The following DLG2 variants were observed in gnomAD, a reference collection of about 807,000 sequenced individuals.
The protein encoded by DLG2 is disks large homolog 2.
A neutral mutation model predicts 132.5 loss-of-function variants in DLG2; 45 were observed. The observed-to-expected ratio is 0.34, with a 90% CI of 0.27 to 0.44. The LOEUF (loss-of-function observed/expected upper bound fraction) is 0.44, where lower values mean the gene tolerates loss of function less well. DLG2 is among the 20% of genes least tolerant of loss of function. DLG2 has a pLI of 1.00. For synonymous variants in DLG2, 424 were observed against 419.6 expected (o/e 1.01, Z -0.13); for missense variants, 1,045 against 1,196.9 (o/e 0.87, Z 1.87).
chr11:84,209,756 G>T (rs74801362), intron 8 of DLG2, among the ~76,000 whole-genome samples: 1 of 152,076 alleles, frequency 6.6e-6, no homozygotes, highest in African/African-American at 2.4e-5. Context: ...TGCCAAAAGC[G>T]CAATGAGATG....
intron 19 of DLG2, among the ~76,000 whole-genome samples, chr11:83,627,602 C>A (rs1162741958): frequency 6.6e-6 from 1 of 152,198 alleles, no homozygotes; most frequent in Non-Finnish European, 1.5e-5. Flanking sequence ...TTTTCTTAAT[C>A]CAGTCTATTG....
rs550059472 is a variant in DLG2 at position 84,597,469 on chromosome 11, T to C, written c.358-62738A>G. ...AATCCAAAAATTATGTCAAAATGTC[T>C]TTTTAACATGAGAACAATGATGTCA... On this transcript the variant is annotated intron_variant, in intron 6 of 27. Transcript: ENST00000376104. Among the ~76,000 whole-genome samples, 6 of 152,286 alleles carry C rather than the reference T, an allele frequency of 3.9e-5. No homozygotes were observed. The South Asian group carries it at 1.2e-3, about 32-fold the overall frequency.
chr11:84,219,909 T>A (rs1182446865), intron 8 of DLG2, among the ~76,000 whole-genome samples: 1 of 152,138 alleles, frequency 6.6e-6, no homozygotes, highest in African/African-American at 2.4e-5. Flanking sequence ...TTTTGGCTGT[T>A]GATGTTAAAT....
At chr11:85,532,009 A>C in intron 3 of DLG2, among the ~76,000 whole-genome samples, 1 of 152,188 alleles carries the variant, frequency 6.6e-6, no homozygotes. Flanking sequence ...ATATAATTTT[A>C]TACCCATTAT....
intron 3 of DLG2, among the ~76,000 whole-genome samples, chr11:85,458,855 T>G (rs1309680604): frequency 1.3e-5 from 2 of 152,148 alleles, no homozygotes; most frequent in Non-Finnish European, 2.9e-5. Flanking sequence ...CCCACTTGAG[T>G]GCTGACTGCA....
At chr11:85,531,213 T>C (rs1428507048) in intron 3 of DLG2, among the ~76,000 whole-genome samples, 3 of 152,176 alleles carry the variant, frequency 2.0e-5, no homozygotes, top group African/African-American at 7.2e-5. Flanking sequence ...AATTGTAAAA[T>C]GATGAGTGTT....
chr11:84,402,569 A>G (rs1477209669), intron 7 of DLG2, among the ~76,000 whole-genome samples: 1 of 152,052 alleles, frequency 6.6e-6, no homozygotes, highest in Non-Finnish European at 1.5e-5. Flanking sequence ...AAAAATGTAA[A>G]AAGGTTGGCA....
At chr11:85,393,556 G>C (rs1355035050) in intron 3 of DLG2, among the ~76,000 whole-genome samples, 1 of 151,164 alleles carries the variant, frequency 6.6e-6, no homozygotes, top group Non-Finnish European at 1.5e-5. Context: ...TGCAAAAAAT[G>C]GACCAGCCCA....
chr11:84,881,922 A>G (rs1227917794), intron 6 of DLG2, among the ~76,000 whole-genome samples: 1 of 152,124 alleles, frequency 6.6e-6, no homozygotes, highest in Non-Finnish European at 1.5e-5. Flanking sequence ...TCAAAAACTC[A>G]GCACATATTC....
chr11:85,176,830 T>G (rs2079286852), intron 4 of DLG2, among the ~76,000 whole-genome samples: 2 of 152,118 alleles, frequency 1.3e-5, no homozygotes, highest in South Asian at 4.1e-4. Flanking sequence ...AAGAAGGCAT[T>G]CATGCAGCCA....
intron 6 of DLG2, among the ~76,000 whole-genome samples, chr11:84,873,726 A>C (rs1249166842): frequency 6.6e-6 from 1 of 152,172 alleles, no homozygotes; most frequent in Non-Finnish European, 1.5e-5. Context: ...ATTTTCAAAA[A>C]CCGTGTTGAG....
intron 6 of DLG2, among the ~76,000 whole-genome samples, chr11:84,824,260 T>C (rs1368950058): frequency 1.3e-5 from 2 of 151,914 alleles, no homozygotes; most frequent in East Asian, 1.9e-4. Flanking sequence ...AAACATTTAA[T>C]GAGGTCCTCA....
intron 10 of DLG2, among the ~76,000 whole-genome samples, chr11:84,093,206 G>T (rs1461202227): frequency 6.6e-6 from 1 of 152,148 alleles, no homozygotes; most frequent in African/African-American, 2.4e-5. Flanking sequence ...CAAGATGTCA[G>T]CTGAGCTGCA....
chr11:84,576,576 A>G (rs1341466903), intron 6 of DLG2, among the ~76,000 whole-genome samples: 1 of 152,210 alleles, frequency 6.6e-6, no homozygotes, highest in Admixed American at 6.5e-5. Flanking sequence ...GCAGTCACTT[A>G]ATAAGGTCCT....
At chr11:85,368,706 C>G (rs2084741897) in intron 3 of DLG2, among the ~76,000 whole-genome samples, 1 of 152,204 alleles carries the variant, frequency 6.6e-6, no homozygotes, top group Admixed American at 6.5e-5. Flanking sequence ...ATAAATTGCT[C>G]TCAGCTCAAA....
At chr11:84,191,876 G>A (rs1242545305) in intron 8 of DLG2, among the ~76,000 whole-genome samples, 1 of 151,814 alleles carries the variant, frequency 6.6e-6, no homozygotes, top group Non-Finnish European at 1.5e-5. Context: ...TGTAATTTGT[G>A]TATAGAATCT....
intron 6 of DLG2, among the ~76,000 whole-genome samples, chr11:84,633,664 TATATATTGATACAGAGCCTGTC>T (rs2099635908): frequency 6.6e-6 from 1 of 152,074 alleles, no homozygotes; most frequent in Admixed American, 6.6e-5. Flanking sequence ...CATTCTTCAT[TATATATTGATACAGAGCCTGTC>T]ACACGGTAGT....
At chr11:84,402,840 C>T (rs1469846370) in intron 7 of DLG2, among the ~76,000 whole-genome samples, 2 of 134,606 alleles carry the variant, frequency 1.5e-5, no homozygotes, top group South Asian at 2.3e-4. Context: ...CAAGGTCGTG[C>T]CACTGCACTC....
chr11:84,189,916 A>G (rs1160759711), intron 8 of DLG2, among the ~76,000 whole-genome samples: 1 of 151,622 alleles, frequency 6.6e-6, no homozygotes, highest in Admixed American at 6.6e-5. Context: ...GCAACAAACC[A>G]CCATGGCACA....
Sources: allele counts gnomAD v4.1 joint callset (sites outside exome capture counted in the v4.1 genomes callset), GRCh38; gene constraint gnomAD v4.1.1; transcripts MANE v1.5; gene names NCBI Gene and HGNC (gene_info 2026-07-23, HGNC 2026-07-21).